Variants in SLC8A1 observed in about 807,000 individuals in gnomAD.
SLC8A1 encodes the protein solute carrier family 8 member A1.
SLC8A1 carries 18 observed loss-of-function variants against 68.3 expected under a neutral mutation model. The observed-to-expected ratio is 0.26, with a 90% CI of 0.18 to 0.39. The LOEUF (loss-of-function observed/expected upper bound fraction) is 0.39, where lower values mean the gene tolerates loss of function less well. SLC8A1 is among the 10% of genes least tolerant of loss of function. SLC8A1 has a pLI of 1.00. For synonymous variants in SLC8A1, 475 were observed against 415.5 expected, an observed-to-expected ratio of 1.14 and a Z score of -1.74; for missense variants, 985 against 1,156.7, an observed-to-expected ratio of 0.85 and a Z score of 2.15.
intron 2 of SLC8A1, among the ~76,000 whole-genome samples, chr2:40,321,134 C>T (rs1177296784): frequency 6.6e-6 from 1 of 152,236 alleles, no homozygotes; most frequent in East Asian, 1.9e-4. Context: ...TCCTCATCTA[C>T]AAATTAAAGG....
chr2:40,337,863 T>C (rs927245373), intron 2 of SLC8A1, among the ~76,000 whole-genome samples: 7 of 152,188 alleles, frequency 4.6e-5, no homozygotes, highest in African/African-American at 9.7e-5. Context: ...CTGTCAGTTC[T>C]ACCTACTATT....
intron 1 of SLC8A1, among the ~76,000 whole-genome samples, chr2:40,439,248 T>C (rs1700044961): frequency 6.6e-6 from 1 of 152,098 alleles, no homozygotes; most frequent in Non-Finnish European, 1.5e-5. Context: ...CAAGCAAGGA[T>C]TACTAGGTCA....
chr2:40,483,051 G>T (rs867046674), intron 1 of SLC8A1, among the ~76,000 whole-genome samples: 1 of 149,450 alleles, frequency 6.7e-6, no homozygotes, highest in Non-Finnish European at 1.5e-5. Context: ...TGATCCGCCC[G>T]CCTCGGGCTC....
At chr2:40,255,999 A>T (rs1274460456) in intron 2 of SLC8A1, among the ~76,000 whole-genome samples, 1 of 152,190 alleles carries the variant, frequency 6.6e-6, no homozygotes, top group Non-Finnish European at 1.5e-5. Context: ...AAACTAGAAG[A>T]GCAATGCTGA....
At chr2:40,400,561 T>C (rs542472838) in intron 2 of SLC8A1, among the ~76,000 whole-genome samples, 3 of 152,158 alleles carry the variant, frequency 2.0e-5, no homozygotes, top group Admixed American at 1.3e-4. Context: ...TGTAAAACTT[T>C]CATGGATCAC....
intron 2 of SLC8A1, among the ~76,000 whole-genome samples, chr2:40,393,110 C>T (rs923344724): frequency 1.3e-5 from 2 of 151,974 alleles, no homozygotes; most frequent in Non-Finnish European, 2.9e-5. Context: ...TGTAAACTGT[C>T]TAATCTATTT....
At chr2:40,245,411 C>T (rs2061738655) in intron 2 of SLC8A1, among the ~76,000 whole-genome samples, 1 of 152,150 alleles carries the variant, frequency 6.6e-6, no homozygotes, top group Non-Finnish European at 1.5e-5. Context: ...GCCACGTGTC[C>T]ACCAGAAGAA....
At chr2:40,150,570 A>T (rs529770958) in intron 6 of SLC8A1, among the ~76,000 whole-genome samples, 1 of 152,324 alleles carries the variant, frequency 6.6e-6, no homozygotes, top group Admixed American at 6.5e-5. Flanking sequence ...GGACCCAGTG[A>T]TGGCACATTG....
intron 6 of SLC8A1, among the ~76,000 whole-genome samples, chr2:40,142,152 T>C (rs2041692049): frequency 2.0e-5 from 3 of 152,242 alleles, no homozygotes; most frequent in Non-Finnish European, 4.4e-5. Flanking sequence ...TACTCTTTTT[T>C]GTTTGTTTCC....
At chr2:40,438,725 A>T (rs532955192) in intron 1 of SLC8A1, among the ~76,000 whole-genome samples, 1 of 152,314 alleles carries the variant, frequency 6.6e-6, no homozygotes, top group East Asian at 1.9e-4. Context: ...AGTTCACCTA[A>T]GAATCACCTG....
chr2:40,411,600 A>G (rs1692171309), intron 2 of SLC8A1, among the ~76,000 whole-genome samples: 1 of 152,144 alleles, frequency 6.6e-6, no homozygotes, highest in Non-Finnish European at 1.5e-5. Flanking sequence ...AAACCTGAAA[A>G]AACAAAAACA....
chr2:40,401,190 T>C (rs4487129), intron 2 of SLC8A1, among the ~76,000 whole-genome samples: 143,353 of 152,314 alleles, frequency 0.94, 67,542 homozygotes, highest in East Asian at 1. Flanking sequence ...CATTTCTCTG[T>C]GGCATGCCTG....
intron 1 of SLC8A1, among the ~76,000 whole-genome samples, chr2:40,463,839 T>TAC (rs761954909): frequency 0.019 from 2,337 of 123,276 alleles, 28 homozygotes; most frequent in Admixed American, 0.049. Context: ...CACACACACA[T>TAC]ACACACACAC....
At chr2:40,166,942 A>T (rs1335189571) in intron 4 of SLC8A1, among the ~76,000 whole-genome samples, 1 of 152,224 alleles carries the variant, frequency 6.6e-6, no homozygotes, top group Non-Finnish European at 1.5e-5. Context: ...AATATTTATT[A>T]TGGCCTTCTT....
chr2:40,493,650 AT>A (rs70957182), intron 1 of SLC8A1, among the ~76,000 whole-genome samples: 3,163 of 134,550 alleles, frequency 0.024, 108 homozygotes, highest in African/African-American at 0.077. Context: ...TTTCCTCAGT[AT>A]TTTTTTTTTT....
rs183476509 is a variant in SLC8A1 at position 40,437,077 on chromosome 2, A to T, written c.-24-6773T>A. Among the ~76,000 whole-genome samples the T allele has an allele frequency of 3.8e-3, 575 of 152,278 alleles. 3 individuals carry two copies. Among genetic ancestry groups the T allele is most frequent in the African/African-American group, 0.013 (552 of 41,560 alleles). ...GAGATATTATCATTCGCATTTTACA[A>T]ATGAGAAAAATAAATGGTTCATGAA... On this transcript the variant is annotated intron_variant, in intron 1 of 7. Transcript: ENST00000406785.
intron 2 of SLC8A1, among the ~76,000 whole-genome samples, chr2:40,311,069 C>T (rs1260565963): frequency 2.6e-5 from 4 of 151,970 alleles, no homozygotes; most frequent in Non-Finnish European, 5.9e-5. Flanking sequence ...GTCTAAACAC[C>T]TGGGGTTCCT....
At chr2:40,447,588 TAAAA>T (rs139695930) in intron 1 of SLC8A1, among the ~76,000 whole-genome samples, 44,010 of 139,258 alleles carry the variant, frequency 0.32, 7,989 homozygotes, top group African/African-American at 0.51. Flanking sequence ...CAATCCAAGT[TAAAA>T]AAAAAAAAAA....
chr2:40,457,608 G>A (rs528678924), intron 1 of SLC8A1, among the ~76,000 whole-genome samples: 7 of 152,088 alleles, frequency 4.6e-5, no homozygotes, highest in African/African-American at 1.7e-4. Flanking sequence ...GTATGCTCTC[G>A]TCTCTTTAAA....
Sources: allele counts gnomAD v4.1 joint callset (sites outside exome capture counted in the v4.1 genomes callset), GRCh38; gene constraint gnomAD v4.1.1; transcripts MANE v1.5; gene names NCBI Gene and HGNC (gene_info 2026-07-23, HGNC 2026-07-21).